The following LGR6 variants were observed in gnomAD, a reference collection of about 807,000 sequenced individuals.
The protein encoded by LGR6 is leucine rich repeat containing G protein-coupled receptor 6.
LGR6 carries 45 observed loss-of-function variants against 69.4 expected under a neutral mutation model. The observed-to-expected ratio is 0.65, with a 90% CI of 0.51 to 0.83. The LOEUF is 0.83. LGR6 is among the 40% of genes least tolerant of loss of function. The pLI, the probability that LGR6 is intolerant of heterozygous loss-of-function variation, is 0.00. For missense variants in LGR6, 1,108 were observed against 1,246.7 expected (o/e 0.89, Z 1.68); for synonymous variants, 538 against 555.0 (o/e 0.97, Z 0.43).
At chr1:202,241,719 G>C (rs536341319) in intron 4 of LGR6, among the ~76,000 whole-genome samples, 87 of 152,248 alleles carry the variant, frequency 5.7e-4, no homozygotes, top group Admixed American at 2.4e-3. Flanking sequence ...AGTGGGGGCT[G>C]CGCTGGTCTG....
At chr1:202,304,310 G>T (rs1200690767) in intron 10 of LGR6, among the ~76,000 whole-genome samples, 1 of 152,138 alleles carries the variant, frequency 6.6e-6, no homozygotes, top group South Asian at 2.1e-4. Flanking sequence ...GCAGAGCCCT[G>T]GGCTGTGGCC....
intron 4 of LGR6, among the ~76,000 whole-genome samples, chr1:202,251,875 G>A (rs892904715): frequency 1.7e-5 from 2 of 118,812 alleles, no homozygotes; most frequent in Non-Finnish European, 3.9e-5. Context: ...AGAGGGAAAG[G>A]GGAAAGAGAG....
intron 4 of LGR6, among the ~76,000 whole-genome samples, chr1:202,239,624 C>T (rs1661998252): frequency 6.6e-6 from 1 of 152,034 alleles, no homozygotes; most frequent in African/African-American, 2.4e-5. Flanking sequence ...TGAAGAGGCT[C>T]CTAAACCAAG....
chr1:202,288,336 C>T (rs1666548634), intron 6 of LGR6, among the ~76,000 whole-genome samples: 1 of 152,200 alleles, frequency 6.6e-6, no homozygotes, highest in Non-Finnish European at 1.5e-5. Flanking sequence ...ATCTGATATC[C>T]TAATAATGTA....
intron 4 of LGR6, among the ~76,000 whole-genome samples, chr1:202,237,900 A>G (rs1180212770): frequency 6.6e-6 from 1 of 151,230 alleles, no homozygotes; most frequent in Non-Finnish European, 1.5e-5. Context: ...CAGTTTCTCT[A>G]TCTTCAAGGT....
rs545562933 is a variant in LGR6 at position 202,290,904 on chromosome 1, G to A, written c.717-6604G>A. Among the ~76,000 whole-genome samples, 8 of 152,286 alleles carry A rather than the reference G, an allele frequency of 5.3e-5. 1 individual carries two copies. In the South Asian group the frequency reaches 1.0e-3, roughly 20 times the overall value. On this transcript the variant is annotated intron_variant, in intron 6 of 17. Transcript: ENST00000367278. ...AAAAAGCAAAAGAAGGGACTGGACA[G>A]GATGACTGTAAAATCCTGCCAGCTC...
At chr1:202,236,571 A>C (rs1230630093) in intron 4 of LGR6, among the ~76,000 whole-genome samples, 1 of 152,168 alleles carries the variant, frequency 6.6e-6, no homozygotes, top group Non-Finnish European at 1.5e-5. Context: ...CTGAGGGTGG[A>C]AGCGGGAGCA....
intron 1 of LGR6, chr1:202,203,809 C>T: frequency 1.2e-6 from 2 of 1,613,850 alleles, no homozygotes; most frequent in Non-Finnish European, 1.7e-6. Flanking sequence ...GGAAAACCCA[C>T]AGGCCAAGGA....
chr1:202,286,175 G>A (rs1195217788), intron 6 of LGR6, among the ~76,000 whole-genome samples: 2 of 152,140 alleles, frequency 1.3e-5, no homozygotes, highest in African/African-American at 4.8e-5. Context: ...ACAGGTACCA[G>A]GTTTGGACAT....
At chr1:202,266,461 A>G (rs951276894) in intron 4 of LGR6, among the ~76,000 whole-genome samples, 1 of 151,760 alleles carries the variant, frequency 6.6e-6, no homozygotes, top group East Asian at 1.9e-4. Flanking sequence ...GCCAGCCTTC[A>G]CATCCCCACC....
intron 1 of LGR6, among the ~76,000 whole-genome samples, chr1:202,219,366 T>C (rs1313787855): frequency 1.3e-5 from 2 of 152,242 alleles, no homozygotes; most frequent in East Asian, 1.9e-4. Context: ...CGTTAAGCCC[T>C]AGTCAGAGAC....
At chr1:202,228,101 G>T in intron 3 of LGR6, 94 bp downstream of exon 3, 2 of 795,434 alleles carry the variant, frequency 2.5e-6, no homozygotes, top group East Asian at 2.6e-5. Flanking sequence ...GTTTACCACT[G>T]ACTTGCTTAT....
chr1:202,260,569 G>A (rs926025699), intron 4 of LGR6, among the ~76,000 whole-genome samples: 8 of 152,046 alleles, frequency 5.3e-5, no homozygotes, highest in African/African-American at 7.2e-5. Flanking sequence ...CCTGACATCC[G>A]CCTGTCTTGG....
intron 15 of LGR6, 142 bp downstream of exon 15, chr1:202,309,318 C>G: frequency 1.1e-6 from 1 of 916,132 alleles, no homozygotes. Context: ...CTCACCTGAC[C>G]ACCTACAGAC....
chr1:202,316,974 A>G (rs377383718), intron 17 of LGR6, among the ~76,000 whole-genome samples: 9 of 152,330 alleles, frequency 5.9e-5, no homozygotes, highest in African/African-American at 2.2e-4. Context: ...GATTTACTGT[A>G]CTTGAGGCAA....
Position 202,227,954 on chromosome 1 carries a change from T to C in LGR6, c.303T>C (p.His101=), listed in dbSNP as rs148320351. ...FLEELRLSGN[H]LSHIPGQAFS... ...TTTCCAGGCGTCTCTCTGGGAACCA[T>C]CTCTCACACATCCCAGGACAAGCAT... Residue 101 remains histidine, a synonymous_variant, in exon 3 of 18, where the codon CAT becomes CAC. Coordinates refer to ENST00000367278, the MANE Select transcript of LGR6 (RefSeq NM_001017403.2). 58 of 1,613,846 alleles carry C rather than the reference T, an allele frequency of 3.6e-5. No individual in the cohort carries two copies. The African/African-American group carries it at 6.8e-4, about 19-fold the overall frequency.
At chr1:202,225,046 G>A (rs1016799968) in intron 1 of LGR6, among the ~76,000 whole-genome samples, 10 of 152,180 alleles carry the variant, frequency 6.6e-5, no homozygotes, top group Admixed American at 3.9e-4. Context: ...TGTATTTGGC[G>A]ATCCTTCCCT....
chr1:202,306,781 T>C, intron 12 of LGR6, 87 bp from the exon 13 acceptor site: 3 of 1,222,936 alleles, frequency 2.5e-6, no homozygotes, highest in Non-Finnish European at 3.6e-6. Flanking sequence ...TGGGGGGCTC[T>C]ACTTTCTTCC....
At chr1:202,304,737 G>A in intron 11 of LGR6, 107 bp downstream of exon 11, 1 of 863,074 alleles carries the variant, frequency 1.2e-6, no homozygotes, top group Non-Finnish European at 1.8e-6. Context: ...CCTTCCTGGA[G>A]AATGGAGCAG....
Sources: gnomAD v4.1 joint callset for allele counts (sites outside exome capture counted in the v4.1 genomes callset) on GRCh38, gnomAD v4.1.1 for gene constraint, MANE v1.5 for transcripts, NCBI Gene and HGNC (gene_info 2026-07-23, HGNC 2026-07-21) for gene names.